The following HIP1 variants were observed in gnomAD, a reference collection of about 807,000 sequenced individuals.
HIP1 encodes huntingtin interacting protein 1, also known as huntingtin-interacting protein 1.
Under a neutral mutation model 147.6 loss-of-function variants are expected in HIP1, and 65 were observed. That is an observed-to-expected ratio of 0.44 (90% confidence interval 0.36 to 0.54). The LOEUF is 0.54. HIP1 is among the 20% of genes least tolerant of loss of function. The pLI, the probability that HIP1 is intolerant of heterozygous loss-of-function variation, is 0.00. For missense variants in HIP1, 1,061 were observed against 1,299.6 expected (o/e 0.82, Z 2.82); for synonymous variants, 479 against 504.0 (o/e 0.95, Z 0.67).
intron 1 of HIP1, among the ~76,000 whole-genome samples, chr7:75,706,623 AT>A (rs71082342): frequency 0.46 from 47,647 of 103,530 alleles, 8,985 homozygotes; most frequent in Middle Eastern, 0.53. Flanking sequence ...TCAACTCGTC[AT>A]TTTTTTTTTT....
intron 1 of HIP1, among the ~76,000 whole-genome samples, chr7:75,610,768 C>T (rs1017424898): frequency 6.6e-6 from 1 of 150,388 alleles, no homozygotes; most frequent in Non-Finnish European, 1.5e-5. Flanking sequence ...TTTGAGAGGC[C>T]GAGGCAGGAG....
chr7:75,591,785 T>C (rs2116969203), intron 4 of HIP1, among the ~76,000 whole-genome samples: 1 of 151,540 alleles, frequency 6.6e-6, no homozygotes, highest in African/African-American at 2.4e-5. Context: ...ATCCCAACCT[T>C]GGGCAGCTTT....
intron 1 of HIP1, chr7:75,611,771 A>G: frequency 9.6e-7 from 1 of 1,038,190 alleles, no homozygotes. Flanking sequence ...CTCCCCTGAA[A>G]GGGTGGCATT....
intron 7 of HIP1, among the ~76,000 whole-genome samples, chr7:75,576,671 T>C (rs1217448984): frequency 6.6e-6 from 1 of 152,040 alleles, no homozygotes; most frequent in African/African-American, 2.4e-5. Flanking sequence ...ATCCCACCAC[T>C]GCACTCCAGC....
At chr7:75,577,419 T>G (rs1203865309) in intron 7 of HIP1, among the ~76,000 whole-genome samples, 1 of 151,984 alleles carries the variant, frequency 6.6e-6, no homozygotes, top group Non-Finnish European at 1.5e-5. Flanking sequence ...GTGTTAACTT[T>G]CAGCTACATG....
intron 1 of HIP1, among the ~76,000 whole-genome samples, chr7:75,714,742 C>T (rs1006349773): frequency 2.6e-5 from 4 of 152,106 alleles, no homozygotes; most frequent in South Asian, 2.1e-4. Flanking sequence ...TGTGAGCCAC[C>T]GTGCCCGACC....
Position 75,657,955 on chromosome 7 carries a change from G to A in HIP1, c.121-58708C>T, listed in dbSNP as rs565895620. ...AGAAAAATAAAATTAGGATGCTTTT[G>A]TACTAAGAAATACTATGCAGTAGTT... On this transcript the variant is annotated intron_variant, in intron 1 of 30. Transcript: ENST00000336926. 6.6e-5 allele frequency among the ~76,000 whole-genome samples: 10 copies of A among 152,126 alleles called. 1 individual carries two copies. Among genetic ancestry groups the A allele is most frequent in the African/African-American group, 2.4e-4 (10 of 41,504 alleles).
chr7:75,648,739 G>T (rs376519602), intron 1 of HIP1, among the ~76,000 whole-genome samples: 1 of 152,168 alleles, frequency 6.6e-6, no homozygotes, highest in African/African-American at 2.4e-5. Flanking sequence ...GAGACGTGCT[G>T]TGGGAAGGAA....
chr7:75,694,471 ATTCT>A lies in HIP1; in HGVS notation c.120+44326_120+44329del, dbSNP rs1342314345. Reference sequence around the variant, plus strand: ...CTTTCATACTGAACCTTCTAGATTGATTCTTTCTTTTTTTCTTTTTCTTTTCTTT... The same window carrying A: ...CTTTCATACTGAACCTTCTAGATTGATTCTTTTTTTCTTTTTCTTTTCTTT... On this transcript the variant is annotated intron_variant, in intron 1 of 30. Coordinates refer to ENST00000336926, the MANE Select transcript of HIP1 (RefSeq NM_005338.7). Among the ~76,000 whole-genome samples, 11 of 147,186 alleles carry A rather than the reference ATTCT, an allele frequency of 7.5e-5. No homozygotes were observed. In the East Asian group the frequency reaches 1.4e-3, roughly 19 times the overall value.
chr7:75,684,489 C>A (rs1554517357), intron 1 of HIP1, among the ~76,000 whole-genome samples: 1 of 149,740 alleles, frequency 6.7e-6, no homozygotes, highest in Non-Finnish European at 1.5e-5. Flanking sequence ...AACAGCAGTA[C>A]CATTTCAGCT....
At chr7:75,692,316 T>C (rs1584954971) in intron 1 of HIP1, among the ~76,000 whole-genome samples, 1 of 151,310 alleles carries the variant, frequency 6.6e-6, no homozygotes, top group South Asian at 2.1e-4. Flanking sequence ...TGGAGTGGAG[T>C]GGTTTGATCA....
At chr7:75,737,580 A>G (rs1283781286) in intron 1 of HIP1, among the ~76,000 whole-genome samples, 1 of 152,132 alleles carries the variant, frequency 6.6e-6, no homozygotes, top group Non-Finnish European at 1.5e-5. Flanking sequence ...TCCTGACGTC[A>G]GGTGATCCAC....
At chr7:75,704,979 C>A (rs1259787593) in intron 1 of HIP1, among the ~76,000 whole-genome samples, 1 of 152,146 alleles carries the variant, frequency 6.6e-6, no homozygotes, top group African/African-American at 2.4e-5. Flanking sequence ...AGTACAAATG[C>A]GTTTTACTTT....
In HIP1 at chr7:75,534,674, T is replaced by C. The variant is rs1554488237; in HGVS notation, c.*3498A>G. ...GTCTTGAACTCCTGACCTCAGGTGATCCACCCGCCCCTGCCTCCCAAAGTG... is the reference window on the plus strand; with the variant it reads ...GTCTTGAACTCCTGACCTCAGGTGACCCACCCGCCCCTGCCTCCCAAAGTG... On this transcript the variant is annotated 3_prime_UTR_variant, in exon 31 of 31. Coordinates refer to ENST00000336926, the MANE Select transcript of HIP1 (RefSeq NM_005338.7). 5.6e-6 allele frequency: 1 copy of C among 177,880 alleles called. No individual in the cohort carries two copies. Among genetic ancestry groups the C allele is most frequent in the African/African-American group, 2.4e-5 (1 of 42,286 alleles). 11.0% of individuals were successfully genotyped at this position (177,880 alleles called of 1,614,324 possible).
intron 23 of HIP1, 52 bp downstream of exon 23, chr7:75,548,839 G>A: frequency 7.7e-7 from 1 of 1,293,846 alleles, no homozygotes; most frequent in Non-Finnish European, 1.1e-6. Flanking sequence ...CAGTGTTGCA[G>A]AAGGGCAGCT....
intron 1 of HIP1, among the ~76,000 whole-genome samples, chr7:75,647,440 T>C (rs933763776): frequency 1.3e-5 from 2 of 151,986 alleles, no homozygotes; most frequent in Non-Finnish European, 2.9e-5. Context: ...GCACAAACCA[T>C]GTGCCTCAGC....
Position 75,536,851 on chromosome 7 carries a change from A to C in HIP1, c.*1321T>G, listed in dbSNP as rs1563184104. On this transcript the variant is annotated 3_prime_UTR_variant, in exon 31 of 31. Transcript: ENST00000336926. ...CACACCTGAAGTTCTGATTGCTCCAAGCATCTCTTTGTAGGCTGTTGCTGC... is the reference window on the plus strand; with the variant it reads ...CACACCTGAAGTTCTGATTGCTCCACGCATCTCTTTGTAGGCTGTTGCTGC... 1.7e-5 allele frequency: 4 copies of C among 230,870 alleles called. No homozygotes were observed. The East Asian group carries it at 2.5e-4, about 14-fold the overall frequency. The allele number at this position is 230,870 out of a possible 1,614,324, so 14.3% of individuals were successfully genotyped here.
chr7:75,548,092 G>C (rs587682277), intron 23 of HIP1, among the ~76,000 whole-genome samples: 25 of 151,988 alleles, frequency 1.6e-4, no homozygotes, highest in African/African-American at 5.3e-4. Flanking sequence ...TGAGCGGTAC[G>C]ATCTCGGCTC....
At chr7:75,556,627 A>C in intron 17 of HIP1, 83 bp downstream of exon 17, 1 of 867,042 alleles carries the variant, frequency 1.2e-6, no homozygotes, top group Non-Finnish European at 1.9e-6. Flanking sequence ...TGGAGGCTGC[A>C]GTGAGCTGCG....
Sources: gnomAD v4.1 joint callset for allele counts (sites outside exome capture counted in the v4.1 genomes callset) on GRCh38, gnomAD v4.1.1 for gene constraint, MANE v1.5 for transcripts, NCBI Gene and HGNC (gene_info 2026-07-23, HGNC 2026-07-21) for gene names.